Variants in TRIOBP observed in about 807,000 individuals in gnomAD.
TRIOBP encodes the protein TRIO and F-actin binding protein.
A neutral mutation model predicts 238.8 loss-of-function variants in TRIOBP; 169 were observed. That is an observed-to-expected ratio of 0.71 (90% CI 0.62 to 0.80). The LOEUF is 0.80. Among genes scored for constraint, TRIOBP ranks in the 30% least tolerant of loss-of-function variants. The pLI is 0.00. For missense variants in TRIOBP, 2,838 were observed against 3,122.6 expected (o/e 0.91, Z 2.17); for synonymous variants, 1,150 against 1,274.4 (o/e 0.90, Z 2.08).
At chr22:37,767,067 A>T (rs561789221) in intron 18 of TRIOBP, among the ~76,000 whole-genome samples, 2 of 152,248 alleles carry the variant, frequency 1.3e-5, no homozygotes, top group African/African-American at 4.8e-5. Flanking sequence ...CCTGGCCAAG[A>T]TGGTGAAACC....
At position 37,703,300 on chromosome 22, in the gene TRIOBP, T is replaced by G. The variant is rs191598250; in HGVS notation, c.114+1821T>G. Among the ~76,000 whole-genome samples the G allele has an allele frequency of 1.9e-3, 282 of 151,422 alleles. 1 individual carries two copies. The highest frequency in any genetic ancestry group is 6.3e-3 in the African/African-American group (261 of 41,324). On this transcript the variant is annotated intron_variant, in intron 3 of 23. Transcript: ENST00000644935. ...TGAGCCACCGCGCCTGGCCGAGATT[T>G]TCTTCTTCAAGTTATTGAAGGAGTG...
At chr22:37,733,213 C>T (rs974746622) in intron 7 of TRIOBP, 85 bp from the exon 8 acceptor site, 1 of 1,085,994 alleles carries the variant, frequency 9.2e-7, no homozygotes. Context: ...TGTCCCACAT[C>T]TCCTCCTGTT....
chr22:37,751,017 C>A, intron 11 of TRIOBP: 1 of 378,908 alleles, frequency 2.6e-6, no homozygotes. Context: ...AGAGGTCTCC[C>A]CAGCAGGAAG....
chr22:37,753,852 C>T (rs763286247), intron 12 of TRIOBP, among the ~76,000 whole-genome samples: 39 of 152,144 alleles, frequency 2.6e-4, no homozygotes, highest in Non-Finnish European at 4.4e-4. Context: ...GGGCTGGGGA[C>T]CGGGTGATAT....
rs1601638308 is a variant in TRIOBP at position 37,733,333 on chromosome 22, A to G, written c.3983A>G (p.Asp1328Gly). The change falls in exon 8 of 24, where the codon GAC becomes GGC. Residue 1328 changes from aspartate (D) to glycine (G), a missense_variant. Transcript: ENST00000644935. The part of the protein sequence containing the change: ...SEAAGAFQAQ[D>G]EGRSQQPSQG... ...GCAGCGGGGGCCTTCCAGGCCCAGG[A>G]CGAGGGACGGTCACAGCAGCCCAGC... The G allele has an allele frequency of 6.4e-7, 1 of 1,551,334 alleles. No homozygotes were observed. Among genetic ancestry groups the G allele is most frequent in the Non-Finnish European group, 8.7e-7 (1 of 1,147,340 alleles).
Position 37,759,135 on chromosome 22 carries a change from C to G in TRIOBP, c.6214-19C>G. The G allele has an allele frequency of 6.3e-7, 1 of 1,597,268 alleles. No homozygotes were observed. Among genetic ancestry groups the G allele is most frequent in the East Asian group, 2.3e-5 (1 of 44,156 alleles). On this transcript the variant is annotated intron_variant, in intron 16 of 23. Coordinates refer to ENST00000644935, the MANE Select transcript of TRIOBP (RefSeq NM_001039141.3). ...TGCCCCAGCTTCCAGGTCCCACTGACCACCCTTCTCCCTCGTAGGTTCAGG... is the reference window on the plus strand; with the variant it reads ...TGCCCCAGCTTCCAGGTCCCACTGAGCACCCTTCTCCCTCGTAGGTTCAGG...
At chr22:37,718,138 G>A (rs1469286413) in intron 6 of TRIOBP, among the ~76,000 whole-genome samples, 2 of 152,272 alleles carry the variant, frequency 1.3e-5, no homozygotes, top group South Asian at 2.1e-4. Context: ...CTCCGAGTGC[G>A]GGGCCCACCA....
intron 17 of TRIOBP, among the ~76,000 whole-genome samples, chr22:37,761,537 A>C (rs1309260157): frequency 6.6e-6 from 1 of 152,150 alleles, no homozygotes; most frequent in Non-Finnish European, 1.5e-5. Context: ...ACATCAGGAA[A>C]GTGATGTTGG....
At chr22:37,752,007 G>A (rs1296866638) in intron 12 of TRIOBP, among the ~76,000 whole-genome samples, 179 bp downstream of exon 12, 2 of 152,086 alleles carry the variant, frequency 1.3e-5, no homozygotes, top group Non-Finnish European at 2.9e-5. Context: ...GTGTAAAAGG[G>A]ATCACAGCAA....
rs186161850 is a variant in TRIOBP at position 37,772,638 on chromosome 22, A to C, written c.6974A>C (p.Tyr2325Ser). The change falls in exon 23 of 24, where the codon TAT becomes TCT. Residue 2325 changes from tyrosine (Y) to serine (S), a missense_variant. Coordinates refer to ENST00000644935, the MANE Select transcript of TRIOBP (RefSeq NM_001039141.3). ...RFTSGKYQDV[Y>S]VELSHIKTRS... ...ACCTCGGGAAAGTACCAGGACGTCTATGTGGAGCTGAGCCACATCAAGACA... is the reference window on the plus strand; with the variant it reads ...ACCTCGGGAAAGTACCAGGACGTCTCTGTGGAGCTGAGCCACATCAAGACA... 1.2e-6 allele frequency: 2 copies of C among 1,614,164 alleles called. No individual in the cohort carries two copies. Among genetic ancestry groups the C allele is most frequent in the Non-Finnish European group, 1.7e-6 (2 of 1,180,018 alleles).
chr22:37,760,022 A>G (rs1354834672), intron 17 of TRIOBP: 3 of 157,938 alleles, frequency 1.9e-5, no homozygotes, highest in African/African-American at 8.2e-5. Context: ...TGTATCCACA[A>G]CTGATTAACA....
chr22:37,713,197 T>C lies in TRIOBP; in HGVS notation c.255-13T>C. ...AACTCCCCATTACTTTTTGGGTCTG[T>C]CTCCTCTCCCAGGGGCCCATCCCCC... On this transcript the variant is annotated splice_polypyrimidine_tract_variant and intron_variant, in intron 4 of 23. Transcript: ENST00000644935. 6.2e-7 allele frequency: 1 copy of C among 1,610,536 alleles called. No homozygotes were observed. The highest frequency in any genetic ancestry group is 1.7e-5 in the Admixed American group (1 of 59,274).
chr22:37,741,711 T>C (rs1442335356), intron 11 of TRIOBP, among the ~76,000 whole-genome samples: 1 of 152,232 alleles, frequency 6.6e-6, no homozygotes, highest in Non-Finnish European at 1.5e-5. Flanking sequence ...ATGAAGGGAC[T>C]GAGGCCCAGG....
In TRIOBP at chr22:37,725,209, C is replaced by T. The variant is rs757358541; in HGVS notation, c.2653C>T (p.Arg885Cys). 2.0e-5 allele frequency: 32 copies of T among 1,614,016 alleles called. No individual in the cohort carries two copies. Among genetic ancestry groups the T allele is most frequent in the Admixed American group, 3.3e-5 (2 of 60,020 alleles). The change falls in exon 7 of 24, where the codon CGC becomes TGC. Residue 885 changes from arginine (R) to cysteine (C), a missense_variant. Coordinates refer to ENST00000644935, the MANE Select transcript of TRIOBP (RefSeq NM_001039141.3). ...KENLRPSSPHRSTQWNNPRNS... is the reference protein window; with the variant it reads ...KENLRPSSPHCSTQWNNPRNS... ...GAATCTGAGACCATCATCTCCCCAC[C>T]GCTCCACTCAATGGAACAATCCCAG... is the stretch of plus-strand genomic sequence containing the variant.
chr22:37,750,582 A>C (rs1925531226), intron 11 of TRIOBP: 3 of 466,648 alleles, frequency 6.4e-6, no homozygotes, highest in African/African-American at 6.0e-5. Flanking sequence ...GAGCAGCGGG[A>C]CAAACGCAGC....
At chr22:37,701,046 G>A (rs746218668) in intron 2 of TRIOBP, among the ~76,000 whole-genome samples, 10 of 152,160 alleles carry the variant, frequency 6.6e-5, no homozygotes, top group Non-Finnish European at 1.3e-4. Flanking sequence ...AGTCCTTGGC[G>A]TGCACTTTCA....
At chr22:37,745,596 G>A (rs774831938) in intron 11 of TRIOBP, among the ~76,000 whole-genome samples, 1 of 152,196 alleles carries the variant, frequency 6.6e-6, no homozygotes, top group Non-Finnish European at 1.5e-5. Context: ...ATTTGGGAGA[G>A]ACCCTGCCAT....
At chr22:37,706,525 T>C (rs1206965171) in intron 3 of TRIOBP, among the ~76,000 whole-genome samples, 1 of 152,062 alleles carries the variant, frequency 6.6e-6, no homozygotes, top group Non-Finnish European at 1.5e-5. Context: ...GCACAATGGC[T>C]CCCGCCTGTG....
At position 37,735,399 on chromosome 22, in the gene TRIOBP, G is replaced by A. The variant is rs763000711; in HGVS notation, c.5063G>A (p.Gly1688Glu). ...GGCCTGGAGCAGACGGGCCCCCTGGGGAGCAGGAGCACTGCGAAGGGCCCC... is the reference window on the plus strand; with the variant it reads ...GGCCTGGAGCAGACGGGCCCCCTGGAGAGCAGGAGCACTGCGAAGGGCCCC... ...LAGLEQTGPL[G>E]SRSTAKGPSL... The change falls in exon 9 of 24, where the codon GGG becomes GAG. Residue 1688 changes from glycine to glutamate, a missense_variant. Around this residue, in one of 5 missense-constraint regions of TRIOBP, gnomAD observed 2,096 missense variants for 2,137.4 expected, o/e 0.98. Transcript: ENST00000644935. The A allele has an allele frequency of 1.3e-6, 2 of 1,597,448 alleles. No homozygotes were observed. Among genetic ancestry groups the A allele is most frequent in the Non-Finnish European group, 8.5e-7 (1 of 1,172,478 alleles).
Sources: allele counts gnomAD v4.1 joint callset (sites outside exome capture counted in the v4.1 genomes callset), GRCh38; gene constraint gnomAD v4.1.1; regional missense constraint gnomAD v4.1.1; transcripts MANE v1.5; gene names NCBI Gene and HGNC (gene_info 2026-07-23, HGNC 2026-07-21).